The following PLEKHA7 variants were observed in gnomAD, a reference collection of about 807,000 sequenced individuals.
The protein encoded by PLEKHA7 is pleckstrin homology domain containing A7.
PLEKHA7 carries 104 observed loss-of-function variants against 170.0 expected under a neutral mutation model. The observed-to-expected ratio is 0.61, with a 90% CI of 0.52 to 0.72. The LOEUF (loss-of-function observed/expected upper bound fraction) is 0.72, where lower values mean the gene tolerates loss of function less well. Ranked by LOEUF, PLEKHA7 falls within the 30% of genes least tolerant of loss-of-function variation. PLEKHA7 has a pLI of 0.00. For missense variants in PLEKHA7, 1,615 were observed against 1,671.7 expected (o/e 0.97, Z 0.59); for synonymous variants, 648 against 660.8 (o/e 0.98, Z 0.30).
At chr11:16,781,048 C>G in intron 26 of PLEKHA7, 1 of 984,870 alleles carries the variant, frequency 1.0e-6, no homozygotes. Context: ...GGGCCAGCTG[C>G]TGTGCTAGAT....
chr11:16,779,977 GGGA>G (rs1371257210), intron 26 of PLEKHA7, among the ~76,000 whole-genome samples: 1,111 of 69,696 alleles, frequency 0.016, 15 homozygotes, highest in African/African-American at 0.046. Context: ...CTCTAAAACG[GGGA>G]GGGGGGGGGG....
chr11:16,999,524 C>T (rs997576862), intron 3 of PLEKHA7, among the ~76,000 whole-genome samples: 3 of 152,042 alleles, frequency 2.0e-5, no homozygotes, highest in Non-Finnish European at 2.9e-5. Flanking sequence ...ACTGAGAAAA[C>T]CAGAGGCTCC....
chr11:16,960,279 T>C (rs1861972930), intron 3 of PLEKHA7, among the ~76,000 whole-genome samples: 1 of 152,134 alleles, frequency 6.6e-6, no homozygotes, highest in African/African-American at 2.4e-5. Context: ...CCACCCGCCC[T>C]GGAGAAACAT....
chr11:16,913,515 G>A (rs1173457329), intron 3 of PLEKHA7, among the ~76,000 whole-genome samples: 3 of 152,186 alleles, frequency 2.0e-5, no homozygotes, highest in Non-Finnish European at 4.4e-5. Flanking sequence ...CAGTGGTCAC[G>A]GGAGAGAGGT....
At chr11:17,013,849 C>T (rs1865477285) in intron 3 of PLEKHA7, 140 bp downstream of exon 3, 6 of 1,045,652 alleles carry the variant, frequency 5.7e-6, no homozygotes, top group Admixed American at 4.2e-5. Context: ...GCACACAAAA[C>T]GTTGAGTGTG....
At chr11:16,990,165 C>A (rs1475299832) in intron 3 of PLEKHA7, among the ~76,000 whole-genome samples, 7 of 148,512 alleles carry the variant, frequency 4.7e-5, no homozygotes, top group African/African-American at 1.7e-4. Context: ...AACATTCTCT[C>A]AAAAAAATAA....
intron 8 of PLEKHA7, among the ~76,000 whole-genome samples, chr11:16,848,143 C>T (rs1462733088): frequency 6.6e-6 from 1 of 152,168 alleles, no homozygotes; most frequent in Non-Finnish European, 1.5e-5. Flanking sequence ...ATACAAAGAA[C>T]AAAATTGAAA....
intron 9 of PLEKHA7, among the ~76,000 whole-genome samples, chr11:16,827,019 T>C (rs1210966373): frequency 6.6e-6 from 1 of 152,212 alleles, no homozygotes; most frequent in African/African-American, 2.4e-5. Flanking sequence ...GAATAAATTA[T>C]ACATGTGACA....
chr11:16,975,861 G>C (rs1223260772), intron 3 of PLEKHA7, among the ~76,000 whole-genome samples: 1 of 152,120 alleles, frequency 6.6e-6, no homozygotes, highest in Non-Finnish European at 1.5e-5. Flanking sequence ...CTCCAATTTT[G>C]CCATCTGTAA....
chr11:16,861,211 C>A (rs1279809254), intron 4 of PLEKHA7, among the ~76,000 whole-genome samples: 6 of 151,996 alleles, frequency 3.9e-5, no homozygotes. Context: ...CATTCTTTCC[C>A]CAGGAGAACA....
chr11:16,868,671 G>A (rs1191771337), intron 4 of PLEKHA7, among the ~76,000 whole-genome samples: 1 of 152,164 alleles, frequency 6.6e-6, no homozygotes, highest in Non-Finnish European at 1.5e-5. Context: ...GGAATGTCTG[G>A]CCAATCAGTG....
At chr11:16,850,130 T>A (rs1389921450) in intron 8 of PLEKHA7, among the ~76,000 whole-genome samples, 1 of 152,188 alleles carries the variant, frequency 6.6e-6, no homozygotes, top group African/African-American at 2.4e-5. Context: ...TTCCAGAGAA[T>A]GGCAGGCGTC....
At chr11:16,850,810 G>A (rs1397768060) in intron 8 of PLEKHA7, among the ~76,000 whole-genome samples, 8 of 152,196 alleles carry the variant, frequency 5.3e-5, no homozygotes, top group Admixed American at 5.2e-4. Flanking sequence ...CCTTCAATGT[G>A]AGTTTTCATA....
intron 10 of PLEKHA7, among the ~76,000 whole-genome samples, chr11:16,818,280 C>A (rs1008094840): frequency 6.6e-6 from 1 of 152,222 alleles, no homozygotes; most frequent in African/African-American, 2.4e-5. Context: ...GTATTACCTG[C>A]CTCATAAGGC....
intron 3 of PLEKHA7, among the ~76,000 whole-genome samples, chr11:16,895,810 A>G (rs1458415237): frequency 6.6e-6 from 1 of 152,134 alleles, no homozygotes; most frequent in Non-Finnish European, 1.5e-5. Context: ...CAATAAACAA[A>G]CCCTCACCTG....
rs756682315 is a variant in PLEKHA7, at chr11:16,794,611, C to T, written c.2622G>A (p.Arg874=). ...PQPSPPTSPV[R]TPLEVRLFPQ... is the part of the protein sequence containing the mutation. The stretch of plus-strand genomic sequence containing the variant: ...GGAAGAGTCGAACCTCCAGAGGGGT[C>T]CGCACAGGGCTGGTGGGAGGACTGG... The change falls in exon 19 of 27, where the codon CGG becomes CGA. Residue 874 remains arginine (R), a synonymous_variant. Coordinates refer to ENST00000531066, the MANE Select transcript of PLEKHA7 (RefSeq NM_001329630.2). 2.3e-5 allele frequency: 37 copies of T among 1,613,404 alleles called. No individual in the cohort carries two copies. The highest frequency in any genetic ancestry group is 3.1e-5 in the Non-Finnish European group (36 of 1,179,792).
chr11:16,831,424 C>G (rs180686766), intron 9 of PLEKHA7, among the ~76,000 whole-genome samples: 1 of 152,178 alleles, frequency 6.6e-6, no homozygotes, highest in Non-Finnish European at 1.5e-5. Flanking sequence ...AAGCACCCCT[C>G]GGCCGTCAAT....
chr11:17,010,168 A>G (rs1481400668), intron 3 of PLEKHA7, among the ~76,000 whole-genome samples: 2 of 152,106 alleles, frequency 1.3e-5, no homozygotes, highest in Non-Finnish European at 2.9e-5. Flanking sequence ...CAGGCGGATC[A>G]CTTCAGGTCA....
intron 24 of PLEKHA7, among the ~76,000 whole-genome samples, chr11:16,784,535 A>G (rs1424801342): frequency 2.0e-5 from 3 of 152,224 alleles, no homozygotes; most frequent in African/African-American, 7.2e-5. Context: ...AAATGGCCCC[A>G]AATTTCACCT....
Sources: allele counts gnomAD v4.1 joint callset (sites outside exome capture counted in the v4.1 genomes callset), GRCh38; gene constraint gnomAD v4.1.1; transcripts MANE v1.5; gene names NCBI Gene and HGNC (gene_info 2026-07-23, HGNC 2026-07-21).